Variants in CDH18 observed in about 807,000 individuals in gnomAD.
The protein encoded by CDH18 is cadherin 18, also known as cadherin-18.
CDH18 carries 31 observed loss-of-function variants against 67.9 expected under a neutral mutation model. That is an observed-to-expected ratio of 0.46 (90% confidence interval 0.34 to 0.62). CDH18 has a LOEUF of 0.62. CDH18 is among the 20% of genes least tolerant of loss of function. The pLI is 0.01. For missense variants in CDH18, 890 were observed against 975.5 expected (o/e 0.91, Z 1.17); for synonymous variants, 362 against 347.2 (o/e 1.04, Z -0.48).
intron 2 of CDH18, among the ~76,000 whole-genome samples, chr5:20,015,823 G>A (rs931935447): frequency 6.6e-6 from 1 of 152,058 alleles, no homozygotes; most frequent in East Asian, 1.9e-4. Flanking sequence ...TGCTCTATTG[G>A]TTTGGAAAAA....
chr5:20,426,485 A>C (rs1317059441), intron 1 of CDH18, among the ~76,000 whole-genome samples: 1 of 151,118 alleles, frequency 6.6e-6, no homozygotes. Flanking sequence ...CTCAACAAAA[A>C]CTTTTTAAAA....
At chr5:19,823,553 C>G (rs965461710) in intron 3 of CDH18, among the ~76,000 whole-genome samples, 1 of 152,178 alleles carries the variant, frequency 6.6e-6, no homozygotes, top group African/African-American at 2.4e-5. Context: ...TATACATGCA[C>G]TCAATATTGG....
intron 2 of CDH18, among the ~76,000 whole-genome samples, chr5:20,058,971 G>A (rs142974748): frequency 0.019 from 2,890 of 152,132 alleles, 43 homozygotes; most frequent in Non-Finnish European, 0.03. Context: ...ATTAATTACT[G>A]CCTCAATTTC....
intron 1 of CDH18, among the ~76,000 whole-genome samples, chr5:20,310,614 T>C (rs1736894816): frequency 6.6e-6 from 1 of 152,208 alleles, no homozygotes; most frequent in Non-Finnish European, 1.5e-5. Context: ...TTCATATTTA[T>C]ATGTCTTAAA....
At chr5:20,000,536 G>C (rs1230231521) in intron 2 of CDH18, among the ~76,000 whole-genome samples, 5 of 152,186 alleles carry the variant, frequency 3.3e-5, no homozygotes. Context: ...GTTTTGGTTT[G>C]AAATATGCTG....
chr5:19,649,996 A>G (rs1755347197), intron 5 of CDH18, among the ~76,000 whole-genome samples: 1 of 151,996 alleles, frequency 6.6e-6, no homozygotes, highest in Admixed American at 6.6e-5. Context: ...GACAACTGGT[A>G]CTGACTTATG....
chr5:19,734,770 T>C (rs1768077705), intron 4 of CDH18, among the ~76,000 whole-genome samples: 1 of 152,204 alleles, frequency 6.6e-6, no homozygotes, highest in Non-Finnish European at 1.5e-5. Flanking sequence ...TGGAATCTCT[T>C]ATCCACTGTT....
intron 1 of CDH18, among the ~76,000 whole-genome samples, chr5:20,398,970 C>A (rs10053015): frequency 6.8e-6 from 1 of 147,388 alleles, no homozygotes; most frequent in African/African-American, 2.6e-5. Context: ...CATGTATACC[C>A]ACGTAGAAAA....
At chr5:20,246,379 A>G (rs1274670970) in intron 2 of CDH18, among the ~76,000 whole-genome samples, 2 of 152,170 alleles carry the variant, frequency 1.3e-5, no homozygotes, top group Non-Finnish European at 2.9e-5. Context: ...ATATTTCAGT[A>G]TGATTTGTGT....
At chr5:19,709,901 G>A (rs1469813887) in intron 5 of CDH18, among the ~76,000 whole-genome samples, 31 of 152,124 alleles carry the variant, frequency 2.0e-4, no homozygotes, top group African/African-American at 7.5e-4. Flanking sequence ...TTGGGAGGCC[G>A]AGGTGGGTGG....
chr5:20,073,418 C>A (rs1461514545), intron 2 of CDH18, among the ~76,000 whole-genome samples: 1 of 151,812 alleles, frequency 6.6e-6, no homozygotes, highest in Non-Finnish European at 1.5e-5. Context: ...GCATTCAAGT[C>A]CAGTAGAATG....
At chr5:19,681,034 T>TA (rs1760234221) in intron 5 of CDH18, among the ~76,000 whole-genome samples, 1 of 151,894 alleles carries the variant, frequency 6.6e-6, no homozygotes, top group Admixed American at 6.6e-5. Flanking sequence ...AATGGCAGAC[T>TA]AAAAAAAGAA....
At chr5:19,632,378 T>C (rs535336565) in intron 5 of CDH18, among the ~76,000 whole-genome samples, 106 of 152,288 alleles carry the variant, frequency 7.0e-4, no homozygotes, top group Non-Finnish European at 1.2e-3. Flanking sequence ...GTCTTTTTTG[T>C]TTACAATTCC....
chr5:20,351,388 A>G lies in CDH18; in HGVS notation c.-579-95883T>C, dbSNP rs532750836. On this transcript the variant is annotated intron_variant, in intron 1 of 14. Coordinates refer to the CDH18 transcript ENST00000507958. ...TCTAGAAATATTTTATTTGCAATAT[A>G]AGCAACATTAACAGCAGCTGTCATT... is the stretch of plus-strand genomic sequence containing the variant. Among the ~76,000 whole-genome samples, 93 of 152,166 alleles carry G rather than the reference A, an allele frequency of 6.1e-4. 1 individual carries two copies. The highest frequency in any genetic ancestry group is 1.0e-3 in the Non-Finnish European group (71 of 67,992).
chr5:19,827,771 C>A (rs188729582), intron 3 of CDH18, among the ~76,000 whole-genome samples: 1 of 152,008 alleles, frequency 6.6e-6, no homozygotes, highest in South Asian at 2.1e-4. Context: ...GTACTAAGTG[C>A]CCACTTCAAA....
chr5:20,305,157 G>C, intron 1 of CDH18: 1 of 1,449,414 alleles, frequency 6.9e-7, no homozygotes, highest in Non-Finnish European at 9.7e-7. Flanking sequence ...CACTGGTGAA[G>C]GGAGGGGCGC....
intron 6 of CDH18, among the ~76,000 whole-genome samples, chr5:19,594,447 G>A (rs34646773): frequency 0.61 from 93,358 of 151,956 alleles, 29,818 homozygotes; most frequent in South Asian, 0.76. Context: ...CACTTCGCCC[G>A]GCCTGTTTTT....
intron 11 of CDH18, among the ~76,000 whole-genome samples, chr5:19,488,888 A>G (rs769576058): frequency 6.6e-6 from 1 of 152,002 alleles, no homozygotes; most frequent in Non-Finnish European, 1.5e-5. Flanking sequence ...CTTAATCTCC[A>G]TTTTCGGACT....
At chr5:19,668,975 C>G (rs1169520592) in intron 5 of CDH18, among the ~76,000 whole-genome samples, 1 of 150,992 alleles carries the variant, frequency 6.6e-6, no homozygotes, top group East Asian at 1.9e-4. Flanking sequence ...TGGTTCTTTT[C>G]CCACTTAGTC....
Sources: gnomAD v4.1 joint callset for allele counts (sites outside exome capture counted in the v4.1 genomes callset) on GRCh38, gnomAD v4.1.1 for gene constraint, MANE v1.5 for transcripts, NCBI Gene and HGNC (gene_info 2026-07-23, HGNC 2026-07-21) for gene names.